Variants in SDK1 observed in about 807,000 individuals in gnomAD.
The protein encoded by SDK1 is sidekick cell adhesion molecule 1, also known as protein sidekick-1.
Under a neutral mutation model 245.5 loss-of-function variants are expected in SDK1, and 157 were observed. The observed-to-expected ratio is 0.64, with a 90% CI of 0.56 to 0.73. The LOEUF (loss-of-function observed/expected upper bound fraction) is 0.73, where lower values mean the gene tolerates loss of function less well. Ranked by LOEUF, SDK1 falls within the 30% of genes least tolerant of loss-of-function variation. SDK1 has a pLI of 0.00. For missense variants in SDK1, 3,583 were observed against 3,002.3 expected (o/e 1.19, Z -4.52); for synonymous variants, 1,647 against 1,278.5 (o/e 1.29, Z -6.15).
intron 44 of SDK1, among the ~76,000 whole-genome samples, chr7:4,254,458 C>T (rs996970661): frequency 8.6e-5 from 13 of 152,016 alleles, no homozygotes; most frequent in Non-Finnish European, 1.8e-4. Flanking sequence ...AAGAACTTCC[C>T]ATTTGTGTTT....
intron 1 of SDK1, among the ~76,000 whole-genome samples, chr7:3,321,778 C>CCTTCCT (rs1554257335): frequency 2.0e-5 from 1 of 50,376 alleles, no homozygotes; most frequent in African/African-American, 8.9e-5. Flanking sequence ...TTCCTTCCTT[C>CCTTCCT]TCCTTCCTTC....
intron 5 of SDK1, among the ~76,000 whole-genome samples, chr7:3,948,348 C>G (rs1219430450): frequency 6.6e-6 from 1 of 151,052 alleles, no homozygotes; most frequent in Non-Finnish European, 1.5e-5. Context: ...ACCTCCACCT[C>G]TCGGGTTCCA....
At chr7:3,845,742 C>A (rs1228819666) in intron 5 of SDK1, among the ~76,000 whole-genome samples, 2 of 151,144 alleles carry the variant, frequency 1.3e-5, no homozygotes, top group Non-Finnish European at 2.9e-5. Flanking sequence ...AAAGAAATTC[C>A]ATTTGCAGTG....
At chr7:3,700,351 G>T (rs1208895335) in intron 4 of SDK1, among the ~76,000 whole-genome samples, 1 of 152,148 alleles carries the variant, frequency 6.6e-6, no homozygotes, top group Non-Finnish European at 1.5e-5. Context: ...TTTGTTGGTT[G>T]ATGTAAAAAG....
At chr7:3,857,133 T>C (rs1780567188) in intron 5 of SDK1, among the ~76,000 whole-genome samples, 1 of 152,112 alleles carries the variant, frequency 6.6e-6, no homozygotes, top group African/African-American at 2.4e-5. Context: ...AAAACTTATC[T>C]AAATAGAGGA....
intron 1 of SDK1, among the ~76,000 whole-genome samples, chr7:3,484,667 C>G (rs1781621925): frequency 6.6e-6 from 1 of 152,174 alleles, no homozygotes; most frequent in South Asian, 2.1e-4. Flanking sequence ...TTCCTCTCCC[C>G]TGCCCTTCCT....
At chr7:3,864,404 T>C (rs908766216) in intron 5 of SDK1, among the ~76,000 whole-genome samples, 5 of 152,200 alleles carry the variant, frequency 3.3e-5, no homozygotes, top group Admixed American at 1.3e-4. Flanking sequence ...TGGGCAGAGA[T>C]TCAGTAAACT....
intron 5 of SDK1, among the ~76,000 whole-genome samples, chr7:3,930,747 C>G (rs1038574428): frequency 6.6e-6 from 1 of 151,994 alleles, no homozygotes. Context: ...GAGCTGAGAT[C>G]GCACCACTTC....
At chr7:3,643,674 T>C (rs111362982) in intron 4 of SDK1, 12,393 of 139,026 alleles carry the variant, frequency 0.089, 786 homozygotes, top group Non-Finnish European at 0.12. Flanking sequence ...TGAGCATCTG[T>C]GGAATCCCTT....
In SDK1 at chr7:3,969,030, C is replaced by G. The variant is rs150064072; in HGVS notation, c.1547-227C>G. 9.9e-5 allele frequency among the ~76,000 whole-genome samples: 15 copies of G among 152,266 alleles called. 1 individual carries two copies. In the East Asian group the frequency reaches 2.7e-3, roughly 27 times the overall value. ...GCCAAACAGTTTTAAACCATCAGAT[C>G]TCATGAGAACTCCCTCACTATCAGG... On this transcript the variant is annotated intron_variant, in intron 10 of 44. Transcript: ENST00000404826.
intron 38 of SDK1, among the ~76,000 whole-genome samples, chr7:4,210,454 C>G (rs1784454537): frequency 6.6e-6 from 1 of 152,194 alleles, no homozygotes; most frequent in Non-Finnish European, 1.5e-5. Context: ...TTGATCCTGT[C>G]TCTGTCACAC....
intron 1 of SDK1, among the ~76,000 whole-genome samples, chr7:3,604,143 T>C (rs972130425): frequency 1.3e-5 from 2 of 152,198 alleles, no homozygotes; most frequent in Non-Finnish European, 1.5e-5. Flanking sequence ...TCTAAAATTC[T>C]CTTTTTTGGT....
At chr7:3,565,775 G>A (rs1175209830) in intron 1 of SDK1, among the ~76,000 whole-genome samples, 1 of 152,164 alleles carries the variant, frequency 6.6e-6, no homozygotes, top group African/African-American at 2.4e-5. Context: ...TAAATGCTAT[G>A]TTAAGTAGTT....
intron 5 of SDK1, among the ~76,000 whole-genome samples, chr7:3,947,104 G>A (rs1165285825): frequency 6.6e-6 from 1 of 152,110 alleles, no homozygotes; most frequent in East Asian, 1.9e-4. Context: ...AACAGTATGT[G>A]TAGGCCTTTT....
chr7:3,527,043 G>C (rs1401954191), intron 1 of SDK1, among the ~76,000 whole-genome samples: 1 of 152,000 alleles, frequency 6.6e-6, no homozygotes, highest in Non-Finnish European at 1.5e-5. Context: ...TTTCTGGTTT[G>C]GTCTGCTCTT....
intron 28 of SDK1, among the ~76,000 whole-genome samples, chr7:4,133,373 A>G (rs550657534): frequency 1.4e-4 from 21 of 152,330 alleles, no homozygotes; most frequent in African/African-American, 4.8e-4. Flanking sequence ...TCGTATGTAC[A>G]GTGGGGGGTG....
intron 16 of SDK1, among the ~76,000 whole-genome samples, chr7:4,014,045 C>T (rs1313898728): frequency 6.6e-6 from 1 of 152,256 alleles, no homozygotes; most frequent in Non-Finnish European, 1.5e-5. Flanking sequence ...CATTACCTCT[C>T]ATTCTGCACC....
At chr7:4,187,469 T>C (rs1197687473) in intron 35 of SDK1, among the ~76,000 whole-genome samples, 1 of 152,234 alleles carries the variant, frequency 6.6e-6, no homozygotes, top group African/African-American at 2.4e-5. Context: ...CCTGCAGCGG[T>C]GACCAGATAC....
At chr7:3,859,705 C>G (rs1349954868) in intron 5 of SDK1, among the ~76,000 whole-genome samples, 1 of 152,180 alleles carries the variant, frequency 6.6e-6, no homozygotes, top group Non-Finnish European at 1.5e-5. Flanking sequence ...GCCAGATGCT[C>G]ATTGGCTGAA....
Sources: gnomAD v4.1 joint callset for allele counts (sites outside exome capture counted in the v4.1 genomes callset) on GRCh38, gnomAD v4.1.1 for gene constraint, MANE v1.5 for transcripts, NCBI Gene and HGNC (gene_info 2026-07-23, HGNC 2026-07-21) for gene names.